Variants in METAP1D observed in about 807,000 individuals in gnomAD.
The protein encoded by METAP1D is methionine aminopeptidase 1D, mitochondrial.
Under a neutral mutation model 40.5 loss-of-function variants are expected in METAP1D, and 31 were observed. The ratio of observed to expected loss-of-function variants is 0.77; its 90% CI spans 0.58 to 1.03. The LOEUF is 1.03. METAP1D is among the 50% of genes least tolerant of loss of function. METAP1D has a pLI of 0.00. For synonymous variants in METAP1D, 151 were observed against 146.4 expected, an observed-to-expected ratio of 1.03 and a Z score of -0.22; for missense variants, 411 against 420.7, an observed-to-expected ratio of 0.98 and a Z score of 0.20.
rs1559002293 is a variant in METAP1D at position 172,033,793 on chromosome 2, C to T, written c.41-27705C>T. The stretch of plus-strand genomic sequence containing the variant: ...TTATTAAACCATTAAAAAGAGTTCT[C>T]ATCACAGGCCGGGTATGGTGGCTCA... On this transcript the variant is annotated intron_variant, in intron 1 of 9. Coordinates refer to ENST00000315796, the MANE Select transcript of METAP1D (RefSeq NM_199227.3). 5.3e-5 allele frequency among the ~76,000 whole-genome samples: 8 copies of T among 151,834 alleles called. No homozygotes were observed. The South Asian group carries it at 1.3e-3, about 24-fold the overall frequency.
At chr2:172,009,140 C>T (rs1233555884) in intron 1 of METAP1D, among the ~76,000 whole-genome samples, 2 of 151,912 alleles carry the variant, frequency 1.3e-5, no homozygotes, top group African/African-American at 4.8e-5. Context: ...TCCCGGGTTC[C>T]CGCCATTCTC....
In METAP1D at chr2:172,041,726, T is replaced by TTTA. The variant is rs1273069042; in HGVS notation, c.41-19771_41-19770insTAT. 1.1e-3 allele frequency among the ~76,000 whole-genome samples: 40 copies of TTTA among 37,570 alleles called. 8 individuals carry two copies. Among genetic ancestry groups the TTTA allele is most frequent in the Non-Finnish European group, 2.1e-3 (32 of 15,594 alleles). The allele number at this position is 37,570 out of a possible 152,430, so 24.6% of individuals were successfully genotyped here. ...TTTTAATTTCCTTACTCTAATTATT[T>TTTA]TATATATATATATATATATATATAT... On this transcript the variant is annotated intron_variant, in intron 1 of 9. Transcript: ENST00000315796.
intron 1 of METAP1D, among the ~76,000 whole-genome samples, chr2:172,027,722 C>T (rs943752932): frequency 6.6e-6 from 1 of 152,194 alleles, no homozygotes; most frequent in Non-Finnish European, 1.5e-5. Context: ...TTTAATTTGT[C>T]TTCAGTTGTC....
chr2:172,052,429 A>G (rs1689905594), intron 1 of METAP1D, among the ~76,000 whole-genome samples: 2 of 152,186 alleles, frequency 1.3e-5, no homozygotes, highest in African/African-American at 2.4e-5. Flanking sequence ...TGTAAGTTCA[A>G]TTGGAAGACC....
intron 1 of METAP1D, among the ~76,000 whole-genome samples, chr2:172,001,533 G>A (rs548809717): frequency 3.3e-5 from 5 of 151,188 alleles, no homozygotes; most frequent in African/African-American, 9.7e-5. Context: ...GCGAGACTCC[G>A]TCTCAGAAAA....
chr2:172,056,000 C>G (rs1046478268), intron 1 of METAP1D, among the ~76,000 whole-genome samples: 1 of 152,126 alleles, frequency 6.6e-6, no homozygotes, highest in African/African-American at 2.4e-5. Context: ...TAGTGGAGGC[C>G]TGATGACTTC....
intron 1 of METAP1D, among the ~76,000 whole-genome samples, chr2:172,034,034 G>GCCA (rs1160399774): frequency 7.1e-6 from 1 of 141,740 alleles, no homozygotes; most frequent in Non-Finnish European, 1.5e-5. Context: ...TGGAGATCAT[G>GCCA]CCATTGTACT....
At chr2:172,030,365 T>C (rs1689213327) in intron 1 of METAP1D, among the ~76,000 whole-genome samples, 1 of 152,188 alleles carries the variant, frequency 6.6e-6, no homozygotes, top group South Asian at 2.1e-4. Context: ...ATACTGGGAT[T>C]ACAGGCGTGA....
At chr2:172,076,203 G>A (rs972374872) in intron 6 of METAP1D, among the ~76,000 whole-genome samples, 8 of 150,432 alleles carry the variant, frequency 5.3e-5, no homozygotes, top group Admixed American at 4.6e-4. Flanking sequence ...AAAGAACCTA[G>A]ATTTTTTTTT....
intron 6 of METAP1D, among the ~76,000 whole-genome samples, chr2:172,073,355 A>G (rs1376329255): frequency 6.6e-6 from 1 of 152,104 alleles, no homozygotes; most frequent in African/African-American, 2.4e-5. Context: ...ATTTCATTAC[A>G]TATTCACTAC....
intron 1 of METAP1D, among the ~76,000 whole-genome samples, chr2:172,060,428 A>AT (rs1401040513): frequency 5.4e-4 from 82 of 151,988 alleles, no homozygotes; most frequent in Middle Eastern, 3.4e-3. Flanking sequence ...AAAAAAAAAA[A>AT]AAAAAAAAAG....
At chr2:172,050,957 G>A (rs1689872719) in intron 1 of METAP1D, among the ~76,000 whole-genome samples, 1 of 152,124 alleles carries the variant, frequency 6.6e-6, no homozygotes, top group Non-Finnish European at 1.5e-5. Context: ...AGTTGCCTGA[G>A]TATATGTATT....
At position 172,080,221 on chromosome 2, in the gene METAP1D, C is replaced by T; in HGVS notation, c.929+15C>T. 1 of 1,614,040 alleles carries T rather than the reference C, an allele frequency of 6.2e-7. No individual in the cohort carries two copies. On this transcript the variant is annotated intron_variant, in intron 9 of 9. Transcript: ENST00000315796. ...GACAATCAAAGGTGTTTGCTTTCTG[C>T]TCTGTTGCTTTTAAATTGTATGGGA...
intron 2 of METAP1D, among the ~76,000 whole-genome samples, chr2:172,062,879 A>T (rs1157015212): frequency 6.6e-6 from 1 of 152,162 alleles, no homozygotes; most frequent in East Asian, 1.9e-4. Context: ...CCTGTCCCAA[A>T]CTGCTGTGGA....
chr2:172,010,711 C>G (rs572327481), intron 1 of METAP1D, among the ~76,000 whole-genome samples: 2 of 147,200 alleles, frequency 1.4e-5, no homozygotes, highest in South Asian at 4.3e-4. Flanking sequence ...CCAGGCTGGT[C>G]TTGAACTCCT....
intron 6 of METAP1D, among the ~76,000 whole-genome samples, chr2:172,076,767 ACT>A (rs1459628002): frequency 6.6e-6 from 1 of 152,200 alleles, no homozygotes; most frequent in Non-Finnish European, 1.5e-5. Context: ...TCTGTTAGAG[ACT>A]CTAGTTTGAG....
At chr2:172,014,010 A>G (rs1323984684) in intron 1 of METAP1D, among the ~76,000 whole-genome samples, 3 of 151,264 alleles carry the variant, frequency 2.0e-5, no homozygotes, top group Non-Finnish European at 4.4e-5. Context: ...TTTAGTAGAG[A>G]CGGGGTTTCA....
chr2:172,010,216 C>T (rs1199866254), intron 1 of METAP1D, among the ~76,000 whole-genome samples: 1 of 150,756 alleles, frequency 6.6e-6, no homozygotes, highest in African/African-American at 2.4e-5. Context: ...TCTCAACTCA[C>T]TGCAGCCTTG....
intron 1 of METAP1D, among the ~76,000 whole-genome samples, chr2:172,013,407 G>C (rs371311067): frequency 1.3e-5 from 2 of 152,190 alleles, no homozygotes; most frequent in Admixed American, 6.5e-5. Context: ...AACTAGGACC[G>C]GGGGCAGGAG....
Sources: gnomAD v4.1 joint callset for allele counts (sites outside exome capture counted in the v4.1 genomes callset) on GRCh38, gnomAD v4.1.1 for gene constraint, MANE v1.5 for transcripts, NCBI Gene and HGNC (gene_info 2026-07-23, HGNC 2026-07-21) for gene names.